Variants in ZNF525 observed in about 807,000 individuals in gnomAD.
The protein encoded by ZNF525 is zinc finger protein 525.
ZNF525 carries 33 observed loss-of-function variants against 37.6 expected under a neutral mutation model. The ratio of observed to expected loss-of-function variants is 0.88; its 90% CI spans 0.67 to 1.17. The LOEUF (loss-of-function observed/expected upper bound fraction) is 1.17, where lower values mean the gene tolerates loss of function less well. ZNF525 is among the 50% of genes most tolerant of loss of function. The pLI is 0.00. For synonymous variants in ZNF525, 170 were observed against 182.3 expected (o/e 0.93, Z 0.54); for missense variants, 449 against 543.1 (o/e 0.83, Z 1.72).
chr19:53,368,745 T>A (rs1402973694), intron 1 of ZNF525, among the ~76,000 whole-genome samples: 1 of 152,146 alleles, frequency 6.6e-6, no homozygotes, highest in Non-Finnish European at 1.5e-5. Context: ...TTTGATAACA[T>A]ATAGGTAGGT....
chr19:53,372,347 C>G, intron 2 of ZNF525, 51 bp downstream of exon 2: 1 of 757,474 alleles, frequency 1.3e-6, no homozygotes, highest in South Asian at 1.5e-5. Flanking sequence ...TTCAGAAATG[C>G]TGACCTTGGA....
chr19:53,368,627 CA>C (rs1244089935), intron 1 of ZNF525, among the ~76,000 whole-genome samples: 1 of 152,168 alleles, frequency 6.6e-6, no homozygotes, highest in East Asian at 1.9e-4. Flanking sequence ...GCCAAGCAAA[CA>C]GGCTTTTAGC....
chr19:53,368,736 T>C (rs1313137032), intron 1 of ZNF525, among the ~76,000 whole-genome samples: 2 of 152,190 alleles, frequency 1.3e-5, no homozygotes, highest in African/African-American at 2.4e-5. Flanking sequence ...GGTTCCTTTT[T>C]TGATAACATA....
chr19:53,376,295 T>C (rs1568758802), intron 3 of ZNF525: 1 of 677,422 alleles, frequency 1.5e-6, no homozygotes, highest in South Asian at 1.5e-5. Context: ...AGGGCTAATA[T>C]GAGTCTTCTG....
chr19:53,372,523 A>G (rs573572415), intron 2 of ZNF525: 3 of 912,646 alleles, frequency 3.3e-6, no homozygotes, highest in African/African-American at 1.6e-5. Flanking sequence ...AGGGCTCACA[A>G]CCAGACATGG....
Position 53,382,013 on chromosome 19 carries a change from C to G in ZNF525, c.1434C>G (p.Phe478Leu). Residue 478 changes from phenylalanine (F) to leucine (L), a missense_variant, in exon 4 of 4, where the codon TTC (phenylalanine) becomes TTG (leucine). Phe to Leu is a conservative substitution (Grantham distance 22, BLOSUM62 0). This residue lies in a region of ZNF525 where 178 missense variants were observed against 161.5 expected (regional missense o/e 1.10). Transcript: ENST00000474037. ...KCGECDKAYS[F>L]K ...GAGAATGTGACAAGGCTTACAGTTTCAAATAAAATCTTGAAATACGTCAGA... is the reference window on the plus strand; with the variant it reads ...GAGAATGTGACAAGGCTTACAGTTTGAAATAAAATCTTGAAATACGTCAGA... The G allele has an allele frequency of 8.1e-7, 1 of 1,241,844 alleles. No individual in the cohort carries two copies. Among genetic ancestry groups the G allele is most frequent in the Non-Finnish European group, 1.2e-6 (1 of 854,646 alleles). 76.9% of individuals were successfully genotyped at this position (1,241,844 alleles called of 1,614,324 possible). A position where few individuals can be genotyped will look rare whatever the true frequency, so the allele number is the denominator to read the frequency against.
chr19:53,373,352 C>T (rs892606528), intron 2 of ZNF525, among the ~76,000 whole-genome samples: 2 of 152,164 alleles, frequency 1.3e-5, no homozygotes, highest in Non-Finnish European at 2.9e-5. Flanking sequence ...CCTCAGCCTC[C>T]AGGAGTGCTG....
chr19:53,381,944 C>G lies in ZNF525; in HGVS notation c.1365C>G (p.Thr455=). ...GKTFSQELSL[T]CHCRLHSGEK... ...CCTTCAGTCAGGAGTTATCCCTTACCTGCCATTGTAGACTTCATAGTGGAG... is the reference window on the plus strand; with the variant it reads ...CCTTCAGTCAGGAGTTATCCCTTACGTGCCATTGTAGACTTCATAGTGGAG... Residue 455 remains threonine (T), a synonymous_variant, in exon 4 of 4, where the codon ACC becomes ACG. Transcript: ENST00000474037. The G allele has an allele frequency of 1.0e-6, 1 of 961,514 alleles. No homozygotes were observed. Among genetic ancestry groups the G allele is most frequent in the South Asian group, 1.3e-5 (1 of 77,106 alleles). 59.6% of individuals were successfully genotyped at this position (961,514 alleles called of 1,614,324 possible). A position where few individuals can be genotyped will look rare whatever the true frequency, so the allele number is the denominator to read the frequency against.
intron 2 of ZNF525, among the ~76,000 whole-genome samples, chr19:53,375,367 A>T (rs914644679): frequency 7.9e-5 from 12 of 152,172 alleles, no homozygotes; most frequent in Admixed American, 6.6e-4. Context: ...CAGGCAGATC[A>T]CGAGGTCAGG....
At chr19:53,377,530 G>C (rs1284372578) in intron 3 of ZNF525, among the ~76,000 whole-genome samples, 1 of 150,996 alleles carries the variant, frequency 6.6e-6, no homozygotes, top group African/African-American at 2.4e-5. Context: ...TTGTGGGTTG[G>C]AGTTACTCTT....
In ZNF525 at chr19:53,383,087, G is replaced by A. The variant is rs1232603947; in HGVS notation, c.*1068G>A. 1.3e-5 allele frequency: 18 copies of A among 1,384,924 alleles called. 1 individual carries two copies. Among genetic ancestry groups the A allele is most frequent in the South Asian group, 5.8e-5 (5 of 86,610 alleles). 85.8% of individuals were successfully genotyped at this position (1,384,924 alleles called of 1,614,324 possible). ...CGCTTGCAAGTGTAATAAATGTGGC[G>A]AGGTTTTTAATCAACAAGCACACCT... On this transcript the variant is annotated 3_prime_UTR_variant, in exon 4 of 4. Coordinates refer to ENST00000474037, the MANE Select transcript of ZNF525 (RefSeq NM_001348156.2).
In ZNF525 at chr19:53,383,792, C is replaced by T. The variant is rs765588848; in HGVS notation, c.*1773C>T. The T allele has an allele frequency of 6.9e-5, 36 of 521,730 alleles. No individual in the cohort carries two copies. Among genetic ancestry groups the T allele is most frequent in the Non-Finnish European group, 1.1e-4 (31 of 276,684 alleles). The allele number at this position is 521,730 out of a possible 1,614,324, so 32.3% of individuals were successfully genotyped here. A position where few individuals can be genotyped will look rare whatever the true frequency, so the allele number is the denominator to read the frequency against. On this transcript the variant is annotated 3_prime_UTR_variant, in exon 4 of 4. Transcript: ENST00000474037. ...TCGTTCATACATTGCCGTTCATTGG[C>T]GAACTCATGCTGGAGAGAAATCTTA... is the stretch of plus-strand genomic sequence containing the variant.
Position 53,382,843 on chromosome 19 carries a change from CA to C in ZNF525, c.*825del, listed in dbSNP as rs1476251077. 2 of 1,302,104 alleles carry C rather than the reference CA, an allele frequency of 1.5e-6. No homozygotes were observed. The highest frequency in any genetic ancestry group is 2.9e-5 in the African/African-American group (2 of 68,288). The allele number at this position is 1,302,104 out of a possible 1,614,324, so 80.7% of individuals were successfully genotyped here. ...AATGTGAAGAATGTGATAAAGCTTT[CA>C]GATTCAAATCAAACCTTGAAAGTCA... is the stretch of plus-strand genomic sequence containing the variant. On this transcript the variant is annotated 3_prime_UTR_variant, in exon 4 of 4. Coordinates refer to ENST00000474037, the MANE Select transcript of ZNF525 (RefSeq NM_001348156.2).
In ZNF525 at chr19:53,382,424, C is replaced by T; in HGVS notation, c.*405C>T. 1.1e-6 allele frequency: 1 copy of T among 871,342 alleles called. No individual in the cohort carries two copies. Among genetic ancestry groups the T allele is most frequent in the South Asian group, 1.3e-5 (1 of 76,212 alleles). 54.0% of individuals were successfully genotyped at this position (871,342 alleles called of 1,614,324 possible). On this transcript the variant is annotated 3_prime_UTR_variant, in exon 4 of 4. Coordinates refer to ENST00000474037, the MANE Select transcript of ZNF525 (RefSeq NM_001348156.2). ...ACAAGTGTAATGAGTGTGGCAAGAC[C>T]TTCAGTCAGAAGTCATGCCTTACAC...
intron 1 of ZNF525, among the ~76,000 whole-genome samples, chr19:53,371,229 ACT>A (rs1439035092): frequency 2.2e-5 from 3 of 134,796 alleles, no homozygotes; most frequent in Non-Finnish European, 4.7e-5. Flanking sequence ...ACAGAGTCTC[ACT>A]CTGTCGCACA....
rs7252803 is a variant in ZNF525, at chr19:53,372,241, A to T, written c.-41A>T. 0.25 allele frequency: 181,706 copies of T among 736,244 alleles called. 24,799 individuals are homozygous for T. The highest frequency in any genetic ancestry group is 0.45 in the East Asian group (18,616 of 41,094). The allele number at this position is 736,244 out of a possible 1,614,324, so 45.6% of individuals were successfully genotyped here. On this transcript the variant is annotated 5_prime_UTR_variant, in exon 2 of 4. The change abolishes an upstream ATG in the 5' untranslated region. Coordinates refer to ENST00000474037, the MANE Select transcript of ZNF525 (RefSeq NM_001348156.2). Reference sequence around the variant, plus strand: ...ATTGACATCTAAAGACTCTTGGTACATGAGGAAGAAACCCGGAAAAGGAAA... The same window carrying T: ...ATTGACATCTAAAGACTCTTGGTACTTGAGGAAGAAACCCGGAAAAGGAAA...
rs1376165229 is a variant in ZNF525 at position 53,384,687 on chromosome 19, T to C, written c.*2668T>C. ...ATGTTTGTTAGTTCCAGTACTATTT[T>C]GGTTGAGTCTGTGATTTTCTACACA... is the stretch of plus-strand genomic sequence containing the variant. On this transcript the variant is annotated 3_prime_UTR_variant, in exon 4 of 4. Transcript: ENST00000474037. 38 of 336,090 alleles carry C rather than the reference T, an allele frequency of 1.1e-4. No individual in the cohort carries two copies. The Admixed American group carries it at 1.8e-3, about 16-fold the overall frequency. The allele number at this position is 336,090 out of a possible 1,614,324, so 20.8% of individuals were successfully genotyped here. A position where few individuals can be genotyped will look rare whatever the true frequency, so the allele number is the denominator to read the frequency against.
At position 53,382,165 on chromosome 19, in the gene ZNF525, A is replaced by AT. The variant is rs766626882; in HGVS notation, c.*147dup. On this transcript the variant is annotated 3_prime_UTR_variant, in exon 4 of 4. Transcript: ENST00000474037. ...AAACCTTACAAATGTGAAGAATGTG[A>AT]TGAAGCTTTCAGTTTCAAATCAAAC... is the stretch of plus-strand genomic sequence containing the variant. 6.3e-7 allele frequency: 1 copy of AT among 1,592,946 alleles called. No individual in the cohort carries two copies. Among genetic ancestry groups the AT allele is most frequent in the Non-Finnish European group, 8.6e-7 (1 of 1,161,958 alleles).
Position 53,381,310 on chromosome 19 carries a change from AATGTG to A in ZNF525, c.736_740del (p.Asp246MetfsTer2). On this transcript the variant is annotated frameshift_variant, in exon 4 of 4. Transcript: ENST00000474037. LOFTEE classifies it high-confidence loss of function. ...ATTCATCTAGGAGAGAAACAATATAAATGTGATGTATGTGACAAGGTCTTTATTCG... is the reference window on the plus strand; with the variant it reads ...ATTCATCTAGGAGAGAAACAATATAAATGTATGTGACAAGGTCTTTATTCG... 4.0e-6 allele frequency: 6 copies of A among 1,490,078 alleles called. No individual in the cohort carries two copies. The highest frequency in any genetic ancestry group is 5.6e-6 in the Non-Finnish European group (6 of 1,067,036). The allele number at this position is 1,490,078 out of a possible 1,614,324, so 92.3% of individuals were successfully genotyped here. A position where few individuals can be genotyped will look rare whatever the true frequency, so the allele number is the denominator to read the frequency against.
Sources: allele counts gnomAD v4.1 joint callset (sites outside exome capture counted in the v4.1 genomes callset), GRCh38; gene constraint gnomAD v4.1.1; regional missense constraint gnomAD v4.1.1; transcripts MANE v1.5; gene names NCBI Gene and HGNC (gene_info 2026-07-23, HGNC 2026-07-21).